Variants in TBCD observed in about 807,000 individuals in gnomAD.
The protein encoded by TBCD is tubulin folding cofactor D, also known as tubulin-specific chaperone D.
TBCD carries 105 observed loss-of-function variants against 169.3 expected under a neutral mutation model. The observed-to-expected ratio is 0.62, with a 90% confidence interval of 0.53 to 0.73. TBCD has a LOEUF of 0.73. TBCD is among the 30% of genes least tolerant of loss of function. The pLI is 0.00. For synonymous variants in TBCD, 700 were observed against 643.9 expected (o/e 1.09, Z -1.32); for missense variants, 1,444 against 1,600.1 (o/e 0.90, Z 1.66).
intron 13 of TBCD, among the ~76,000 whole-genome samples, chr17:82,860,737 A>AC (rs940388192): frequency 6.6e-5 from 10 of 152,062 alleles, no homozygotes; most frequent in Admixed American, 1.3e-4. Context: ...GTTCGGTTCC[A>AC]CCCCAGCGCC....
chr17:82,937,745 A>T, intron 35 of TBCD: 1 of 905,400 alleles, frequency 1.1e-6, no homozygotes, highest in Non-Finnish European at 1.6e-6. Flanking sequence ...AGCCAGCGAT[A>T]GGCACCTTGG....
At chr17:82,937,222 C>T (rs780421890) in intron 34 of TBCD, 49 bp from the exon 35 acceptor site, 19 of 1,566,012 alleles carry the variant, frequency 1.2e-5, no homozygotes, top group African/African-American at 8.1e-5. Flanking sequence ...GTGTGCATCC[C>T]GGGGCTGCCT....
chr17:82,931,074 A>G (rs535116196), intron 33 of TBCD, among the ~76,000 whole-genome samples: 2 of 152,336 alleles, frequency 1.3e-5, no homozygotes, highest in East Asian at 3.9e-4. Context: ...GCTGCTTTCT[A>G]GAAGTTTCTG....
rs139258497 is a variant in TBCD, at chr17:82,805,971, C to T, written c.1047C>T (p.Asp349=). The part of the protein sequence containing the change: ...QKPLILTEDD[D]EDDDVPEGVE... The stretch of plus-strand genomic sequence containing the variant: ...CACTCATCCTGACCGAAGATGACGA[C>T]GAAGATGACGACGTCCCAGAGGGGG... The change falls in exon 10 of 39, where the codon GAC becomes GAT. Residue 349 remains aspartate, a synonymous_variant. Transcript: ENST00000355528. 478 of 1,613,666 alleles carry T rather than the reference C, an allele frequency of 3.0e-4. 4 individuals are homozygous for T. In the African/African-American group the frequency reaches 3.1e-3, roughly 11 times the overall value.
At chr17:82,924,602 A>T (rs576488292) in intron 26 of TBCD, among the ~76,000 whole-genome samples, 4 of 152,232 alleles carry the variant, frequency 2.6e-5, no homozygotes, top group African/African-American at 9.6e-5. Flanking sequence ...TAAAATTATT[A>T]TAAGTATATA....
intron 7 of TBCD, among the ~76,000 whole-genome samples, chr17:82,793,165 G>A (rs1192851313): frequency 1.3e-5 from 2 of 152,172 alleles, no homozygotes; most frequent in African/African-American, 4.8e-5. Context: ...CTGGGGCTCT[G>A]ATTCTAATCA....
chr17:82,789,197 G>A lies in TBCD; in HGVS notation c.771+7476G>A, dbSNP rs566828304. Among the ~76,000 whole-genome samples the A allele has an allele frequency of 1.3e-5, 2 of 152,158 alleles. No individual in the cohort carries two copies. The highest frequency in any genetic ancestry group is 2.9e-5 in the Non-Finnish European group (2 of 68,032). On this transcript the variant is annotated intron_variant, in intron 7 of 38. Coordinates refer to ENST00000355528, the MANE Select transcript of TBCD (RefSeq NM_005993.5). The surrounding 1 kb of genome is among the most constrained non-coding windows in gnomAD (Gnocchi z 4.8). Reference sequence around the variant, plus strand: ...CAGGCCACGCTGGTTCGGTCTCCTCGTGGCGTTAAGGAAAGACCTGGAGCA... The same window carrying A: ...CAGGCCACGCTGGTTCGGTCTCCTCATGGCGTTAAGGAAAGACCTGGAGCA...
Position 82,831,182 on chromosome 17 carries a change from G to A in TBCD, c.1318+16248G>A. 1 of 1,614,152 alleles carries A rather than the reference G, an allele frequency of 6.2e-7. No individual in the cohort carries two copies. The highest frequency in any genetic ancestry group is 8.5e-7 in the Non-Finnish European group (1 of 1,180,030). On this transcript the variant is annotated intron_variant, in intron 13 of 38. Transcript: ENST00000355528. This position sits in a 1 kb window ranked among gnomAD's most constrained non-coding sequence, Gnocchi z 4.6. ...AGGTCGTACAGGCCTTCGCAGGTCTGGCTCGTCTGCATGAAGTCGGTGGGG... is the reference window on the plus strand; with the variant it reads ...AGGTCGTACAGGCCTTCGCAGGTCTAGCTCGTCTGCATGAAGTCGGTGGGG...
intron 23 of TBCD, among the ~76,000 whole-genome samples, chr17:82,914,418 C>T (rs1383332716): frequency 6.6e-6 from 1 of 152,148 alleles, no homozygotes; most frequent in Non-Finnish European, 1.5e-5. Context: ...TGCTGGGGGG[C>T]ATCGTGGAGA....
At chr17:82,842,947 A>C (rs943529579) in intron 13 of TBCD, among the ~76,000 whole-genome samples, 3 of 151,416 alleles carry the variant, frequency 2.0e-5, no homozygotes, top group African/African-American at 7.3e-5. Flanking sequence ...CGTCCGGCTG[A>C]TTTTTTGTAT....
chr17:82,919,048 G>T (rs1055573312), intron 23 of TBCD, among the ~76,000 whole-genome samples: 10 of 152,228 alleles, frequency 6.6e-5, no homozygotes, highest in Non-Finnish European at 1.5e-4. Context: ...AGGAGACGTT[G>T]TAGGACAGTG....
Position 82,815,002 on chromosome 17 carries a change from G to T in TBCD, c.1318+68G>T. 1.3e-6 allele frequency: 2 copies of T among 1,595,446 alleles called. 1 individual carries two copies. The highest frequency in any genetic ancestry group is 2.2e-5 in the South Asian group (2 of 89,774). On this transcript the variant is annotated intron_variant, in intron 13 of 38. Coordinates refer to ENST00000355528, the MANE Select transcript of TBCD (RefSeq NM_005993.5). ...CGGAGCTGGGCAGGAGAGGCCTGTT[G>T]CTGCCATCTCGACTCGTGGATGGTG...
chr17:82,808,874 A>T (rs2051216823), intron 11 of TBCD, among the ~76,000 whole-genome samples: 1 of 134,216 alleles, frequency 7.5e-6, no homozygotes, highest in Admixed American at 7.6e-5. Flanking sequence ...CTGAGGTATC[A>T]GGGTGGTCCC....
Position 82,855,235 on chromosome 17 carries a change from C to CTTTTTTTTT in TBCD, c.1319-14961_1319-14953dup, listed in dbSNP as rs58346723. On this transcript the variant is annotated intron_variant, in intron 13 of 38. Coordinates refer to ENST00000355528, the MANE Select transcript of TBCD (RefSeq NM_005993.5). ...CCAGAGGGGCAGGGAAAGGTGTTTGCTTTTTTTTTTTTTTTTTTTTTTTTT... is the reference window on the plus strand; with the variant it reads ...CCAGAGGGGCAGGGAAAGGTGTTTGCTTTTTTTTTTTTTTTTTTTTTTTTTTTTTTTTTT... Among the ~76,000 whole-genome samples the CTTTTTTTTT allele has an allele frequency of 5.9e-4, 32 of 54,030 alleles. 2 individuals carry two copies. The highest frequency in any genetic ancestry group is 1.4e-3 in the Admixed American group (4 of 2,938). 35.4% of individuals were successfully genotyped at this position (54,030 alleles called of 152,430 possible).
intron 34 of TBCD, among the ~76,000 whole-genome samples, chr17:82,934,932 C>G (rs2062493212): frequency 1.3e-5 from 2 of 152,164 alleles, no homozygotes. Flanking sequence ...AACCCCATCT[C>G]TACAAAAAAT....
At chr17:82,778,781 C>A in intron 6 of TBCD, among the ~76,000 whole-genome samples, 1 of 151,948 alleles carries the variant, frequency 6.6e-6, no homozygotes, top group Non-Finnish European at 1.5e-5. Context: ...CCTGCCTCAG[C>A]CTCCTGAGTA....
intron 13 of TBCD, among the ~76,000 whole-genome samples, chr17:82,858,027 T>C (rs1180831704): frequency 6.6e-6 from 1 of 152,036 alleles, no homozygotes; most frequent in East Asian, 1.9e-4. Context: ...ATCCTCCTGC[T>C]TCAGCCTCCC....
At chr17:82,899,248 A>ACGTGTCCTCAGCGTG (rs1442075717) in intron 17 of TBCD, among the ~76,000 whole-genome samples, 8 of 137,632 alleles carry the variant, frequency 5.8e-5, no homozygotes, top group Non-Finnish European at 1.1e-4. Flanking sequence ...TCCTCAGCGC[A>ACGTGTCCTCAGCGTG]CGTGTCCTCA....
In TBCD at chr17:82,752,095, CTCCTTTTCATCCCTCA is replaced by C; in HGVS notation, c.-93_-78del. 1 of 1,306,676 alleles carries C rather than the reference CTCCTTTTCATCCCTCA, an allele frequency of 7.7e-7. No individual in the cohort carries two copies. Among genetic ancestry groups the C allele is most frequent in the Non-Finnish European group, 9.9e-7 (1 of 1,010,092 alleles). The allele number at this position is 1,306,676 out of a possible 1,614,324, so 80.9% of individuals were successfully genotyped here. On this transcript the variant is annotated 5_prime_UTR_variant, in exon 1 of 39. Transcript: ENST00000355528. ...CGTCGGTTGCCGCCTTAGCGGGCGC[CTCCTTTTCATCCCTCA>C]TCCTTCATCCCTGGCTTTCGCGCTC...
Sources: allele counts gnomAD v4.1 joint callset (sites outside exome capture counted in the v4.1 genomes callset), GRCh38; gene constraint gnomAD v4.1.1; non-coding constraint Gnocchi (gnomAD v3.1); transcripts MANE v1.5; gene names NCBI Gene and HGNC (gene_info 2026-07-23, HGNC 2026-07-21).